FRMPD2: variants seen among roughly 807,000 people sequenced by gnomAD.
FRMPD2 encodes the protein FERM and PDZ domain-containing protein 2.
Under a neutral mutation model 140.1 loss-of-function variants are expected in FRMPD2, and 96 were observed. That is an observed-to-expected ratio of 0.69 (90% confidence interval 0.58 to 0.81). The LOEUF (loss-of-function observed/expected upper bound fraction) is 0.81. FRMPD2 is among the 40% of genes least tolerant of loss of function. The probability of loss-of-function intolerance (pLI) is 0.00; values close to 1 mark genes in which losing one functional copy is unlikely to be tolerated. For missense variants in FRMPD2, 1,240 were observed against 1,447.4 expected (o/e 0.86, Z 2.32); for synonymous variants, 449 against 547.6 (o/e 0.82, Z 2.52).
chr10:48,192,806 G>A lies in FRMPD2; in HGVS notation c.2043C>T (p.Cys681=). ...TGGATACAAACAACTCGTTTTCTGA[G>A]CATGACAATCTCTGAATCCAAATGA... ...KPLIWIQRLS[C]SENELFVSRL... The change falls in exon 16 of 29, where the codon TGC becomes TGT. Residue 681 remains cysteine, a synonymous_variant. Coordinates refer to ENST00000374201, the MANE Select transcript of FRMPD2 (RefSeq NM_001018071.4). 1 of 1,614,124 alleles carries A rather than the reference G, an allele frequency of 6.2e-7. No homozygotes were observed. Among genetic ancestry groups the A allele is most frequent in the Non-Finnish European group, 8.5e-7 (1 of 1,180,012 alleles).
chr10:48,188,365 C>T (rs968528252), intron 16 of FRMPD2, among the ~76,000 whole-genome samples: 1 of 152,186 alleles, frequency 6.6e-6, no homozygotes, highest in African/African-American at 2.4e-5. Context: ...AGAAGTCCAG[C>T]CTCACAGTGA....
chr10:48,211,102 G>T (rs1468033056), intron 13 of FRMPD2, among the ~76,000 whole-genome samples: 1 of 152,194 alleles, frequency 6.6e-6, no homozygotes, highest in Non-Finnish European at 1.5e-5. Flanking sequence ...TGTGCCTGTG[G>T]GTAGACCGCA....
At position 48,254,879 on chromosome 10, in the gene FRMPD2, C is replaced by T. The variant is rs898849504; in HGVS notation, c.26-3188G>A. ...AATGCTGTGAAGCACTTTATGGGGCCTGTAATCTCAGGCTATGAAATAGTC... is the reference window on the plus strand; with the variant it reads ...AATGCTGTGAAGCACTTTATGGGGCTTGTAATCTCAGGCTATGAAATAGTC... On this transcript the variant is annotated intron_variant, in intron 1 of 28. Transcript: ENST00000374201. Among the ~76,000 whole-genome samples the T allele has an allele frequency of 5.3e-5, 8 of 152,216 alleles. 1 individual carries two copies. The highest frequency in any genetic ancestry group is 3.9e-4 in the Admixed American group (6 of 15,284).
intron 2 of FRMPD2, among the ~76,000 whole-genome samples, chr10:48,249,615 A>G (rs1840329191): frequency 6.6e-6 from 1 of 152,204 alleles, no homozygotes; most frequent in Non-Finnish European, 1.5e-5. Flanking sequence ...CCATAGGCCC[A>G]TGCTGGGACC....
At position 48,222,416 on chromosome 10, in the gene FRMPD2, A is replaced by T; in HGVS notation, c.1352T>A (p.Leu451His). Residue 451 changes from leucine to histidine, a missense_variant, in exon 12 of 29, where the codon CTT (leucine) becomes CAT (histidine). Leu to His is a moderately conservative substitution (Grantham distance 99). This residue lies in a region of FRMPD2 where 1,161 missense variants were observed against 1,055.9 expected (regional missense o/e 1.10). Transcript: ENST00000374201. ...CCTCTCCTCCAGGATATCTTTCCGAAGCTGCAGGTAAAACTGGTGCCTTGT... is the reference window on the plus strand; with the variant it reads ...CCTCTCCTCCAGGATATCTTTCCGATGCTGCAGGTAAAACTGGTGCCTTGT... ...SLTRHQFYLQ[L>H]RKDILEERLY... The T allele has an allele frequency of 6.2e-7, 1 of 1,614,152 alleles. No individual in the cohort carries two copies. The highest frequency in any genetic ancestry group is 8.5e-7 in the Non-Finnish European group (1 of 1,179,984).
At chr10:48,267,170 A>G (rs1840692866) in intron 1 of FRMPD2, among the ~76,000 whole-genome samples, 1 of 152,210 alleles carries the variant, frequency 6.6e-6, no homozygotes, top group African/African-American at 2.4e-5. Flanking sequence ...ATTGCTCATC[A>G]TATCAAAAAC....
chr10:48,209,590 G>A (rs796885999), intron 13 of FRMPD2, among the ~76,000 whole-genome samples: 3 of 152,356 alleles, frequency 2.0e-5, no homozygotes, highest in African/African-American at 7.2e-5. Context: ...TTGTAGAATA[G>A]TAACTGGGCT....
chr10:48,173,515 A>C (rs1588804240), intron 24 of FRMPD2, among the ~76,000 whole-genome samples: 3 of 145,410 alleles, frequency 2.1e-5, no homozygotes, highest in African/African-American at 2.6e-5. Context: ...CCTCCCCTCC[A>C]CCTCCTCTCT....
intron 26 of FRMPD2, among the ~76,000 whole-genome samples, chr10:48,170,386 G>A (rs1838209060): frequency 6.6e-6 from 1 of 152,238 alleles, no homozygotes. Context: ...TGGAATAACT[G>A]CTCTTTCCCT....
In FRMPD2 at chr10:48,203,061, GC is replaced by G. The variant is rs1839126002; in HGVS notation, c.1798-1678del. On this transcript the variant is annotated intron_variant, in intron 14 of 28. Coordinates refer to ENST00000374201, the MANE Select transcript of FRMPD2 (RefSeq NM_001018071.4). ...GTGATCCTCCTCAGCCTCTGAAAGT[GC>G]TGGGATTACAGGGGTGAGCCACTGT... Among the ~76,000 whole-genome samples the G allele has an allele frequency of 3.3e-5, 5 of 152,180 alleles. No individual in the cohort carries two copies. In the South Asian group the frequency reaches 1.0e-3, roughly 32 times the overall value.
Position 48,240,441 on chromosome 10 carries a change from A to G in FRMPD2, c.619T>C (p.Tyr207His). The change falls in exon 6 of 29, where the codon TAC becomes CAC. Residue 207 changes from tyrosine to histidine, a missense_variant. This residue lies in a region of FRMPD2 where 1,161 missense variants were observed against 1,055.9 expected (regional missense o/e 1.10). Coordinates refer to ENST00000374201, the MANE Select transcript of FRMPD2 (RefSeq NM_001018071.4). Reference sequence around the variant, plus strand: ...CCACGCAGCCTCTTCCTGAGCAGGTAGCTTCTGTTCTGCTGCACAGAGGAG... The same window carrying G: ...CCACGCAGCCTCTTCCTGAGCAGGTGGCTTCTGTTCTGCTGCACAGAGGAG... ...ESSSVQQNRS[Y>H]LLRKRLRGTS... 1 of 1,613,836 alleles carries G rather than the reference A, an allele frequency of 6.2e-7. No individual in the cohort carries two copies. The highest frequency in any genetic ancestry group is 8.5e-7 in the Non-Finnish European group (1 of 1,180,026).
At chr10:48,203,006 C>T (rs56104390) in intron 14 of FRMPD2, among the ~76,000 whole-genome samples, 6,683 of 152,166 alleles carry the variant, frequency 0.044, 183 homozygotes, top group African/African-American at 0.054. Flanking sequence ...CGCTCTGTTG[C>T]CCAGGCTGCT....
At chr10:48,200,733 G>A (rs1252273923) in intron 15 of FRMPD2, among the ~76,000 whole-genome samples, 1 of 152,204 alleles carries the variant, frequency 6.6e-6, no homozygotes, top group Non-Finnish European at 1.5e-5. Flanking sequence ...ATCATGTACA[G>A]TTTCACATAT....
intron 11 of FRMPD2, 67 bp downstream of exon 11, chr10:48,223,056 A>T: frequency 2.8e-6 from 4 of 1,441,512 alleles, no homozygotes; most frequent in South Asian, 2.6e-5. Flanking sequence ...TCGATCCATT[A>T]CCTCTCCGTC....
chr10:48,221,110 A>C (rs577489845), intron 12 of FRMPD2, among the ~76,000 whole-genome samples: 1 of 152,342 alleles, frequency 6.6e-6, no homozygotes, highest in Non-Finnish European at 1.5e-5. Flanking sequence ...GAGGAAAAGA[A>C]GTTATTATAC....
At chr10:48,207,892 C>T (rs1460143113) in intron 13 of FRMPD2, among the ~76,000 whole-genome samples, 1 of 152,136 alleles carries the variant, frequency 6.6e-6, no homozygotes, top group East Asian at 1.9e-4. Context: ...TTGAGAGCTC[C>T]TCTCTCAGGC....
chr10:48,267,830 G>A (rs1840704606), intron 1 of FRMPD2, among the ~76,000 whole-genome samples: 1 of 152,166 alleles, frequency 6.6e-6, no homozygotes. Flanking sequence ...ATCAAGTACT[G>A]ATACATTCTA....
chr10:48,205,657 G>T (rs1465371240), intron 14 of FRMPD2, among the ~76,000 whole-genome samples: 2 of 151,924 alleles, frequency 1.3e-5, no homozygotes, highest in African/African-American at 4.8e-5. Flanking sequence ...TATGAATATT[G>T]TTTCATCTGA....
At chr10:48,251,765 T>G in intron 1 of FRMPD2, 74 bp from the exon 2 acceptor site, 1 of 1,575,086 alleles carries the variant, frequency 6.3e-7, no homozygotes, top group Middle Eastern at 1.8e-4. Context: ...CTCGCCACTC[T>G]GGTGCAGCCA....
Sources: gnomAD v4.1 joint callset for allele counts (sites outside exome capture counted in the v4.1 genomes callset) on GRCh38, gnomAD v4.1.1 for gene constraint, gnomAD v4.1.1 regional missense constraint, MANE v1.5 for transcripts, NCBI Gene and HGNC (gene_info 2026-07-23, HGNC 2026-07-21) for gene names.